MARK1: variants seen among roughly 807,000 people sequenced by gnomAD.
MARK1 encodes serine/threonine-protein kinase MARK1.
A neutral mutation model predicts 96.3 loss-of-function variants in MARK1; 40 were observed. The ratio of observed to expected loss-of-function variants is 0.42; its 90% confidence interval spans 0.32 to 0.54. The LOEUF (loss-of-function observed/expected upper bound fraction) is 0.54, where lower values mean the gene tolerates loss of function less well. Ranked by LOEUF, MARK1 falls within the 20% of genes least tolerant of loss-of-function variation. The pLI is 0.16. For missense variants in MARK1, 719 were observed against 984.6 expected, an observed-to-expected ratio of 0.73 and a Z score of 3.61; for synonymous variants, 317 against 341.2, an observed-to-expected ratio of 0.93 and a Z score of 0.78.
chr1:220,583,814 A>ATTTTTT (rs34848222), intron 3 of MARK1, among the ~76,000 whole-genome samples: 30 of 105,210 alleles, frequency 2.9e-4, no homozygotes, highest in South Asian at 3.5e-4. Context: ...TGCCTGGCTA[A>ATTTTTT]TTTTTTTTTT....
chr1:220,539,794 T>G (rs1661007096), intron 1 of MARK1, among the ~76,000 whole-genome samples: 1 of 152,060 alleles, frequency 6.6e-6, no homozygotes, highest in African/African-American at 2.4e-5. Flanking sequence ...TTCCTGAGAA[T>G]TTTTATATTG....
chr1:220,582,377 A>C (rs12072544), intron 3 of MARK1, among the ~76,000 whole-genome samples: 6,542 of 152,248 alleles, frequency 0.043, 447 homozygotes, highest in African/African-American at 0.15. Context: ...AGTGAGAAAA[A>C]GACATCCTAC....
chr1:220,653,384 C>A, intron 16 of MARK1, 32 bp downstream of exon 16: 1 of 1,588,364 alleles, frequency 6.3e-7, no homozygotes. Context: ...TGTTTTGATT[C>A]CTCTAGAAAT....
rs924612851 is a variant in MARK1 at position 220,625,992 on chromosome 1, G to A, written c.910-5043G>A. 5 of 547,502 alleles carry A rather than the reference G, an allele frequency of 9.1e-6. No homozygotes were observed. The African/African-American group carries it at 9.5e-5, about 10-fold the overall frequency. 33.9% of individuals were successfully genotyped at this position (547,502 alleles called of 1,614,324 possible). On this transcript the variant is annotated intron_variant, in intron 9 of 17. Coordinates refer to ENST00000366917, the MANE Select transcript of MARK1 (RefSeq NM_018650.5). ...GCTCCATCTCTTCAGATACATGTTC[G>A]AGCACAGCAAGCAGATGCAGATTCA... is the stretch of plus-strand genomic sequence containing the variant.
intron 6 of MARK1, among the ~76,000 whole-genome samples, chr1:220,605,813 C>T (rs1166444344): frequency 6.6e-6 from 1 of 152,068 alleles, no homozygotes; most frequent in Admixed American, 6.6e-5. Flanking sequence ...CGGTTTCCAG[C>T]TTTATCCACG....
At chr1:220,565,358 C>T (rs1175070369) in intron 1 of MARK1, among the ~76,000 whole-genome samples, 1 of 152,148 alleles carries the variant, frequency 6.6e-6, no homozygotes, top group Non-Finnish European at 1.5e-5. Context: ...TGGGAGCCAC[C>T]AGTATCCCTA....
chr1:220,558,072 G>A (rs1305847820), intron 1 of MARK1, among the ~76,000 whole-genome samples: 2 of 151,416 alleles, frequency 1.3e-5, no homozygotes, highest in Admixed American at 1.3e-4. Context: ...CAAGGTTGCA[G>A]CAGTGAGTCA....
At position 220,632,184 on chromosome 1, in the gene MARK1, C is replaced by CT. The variant is rs1293994726; in HGVS notation, c.1010-11dup. ...ATAAAACCATTTTCAGAAAATTTCT[C>CT]TTTTTTAAATTTCTAGACATTATGG... is the stretch of plus-strand genomic sequence containing the variant. On this transcript the variant is annotated splice_polypyrimidine_tract_variant and intron_variant, in intron 10 of 17. Coordinates refer to ENST00000366917, the MANE Select transcript of MARK1 (RefSeq NM_018650.5). The CT allele has an allele frequency of 8.6e-6, 11 of 1,274,508 alleles. No homozygotes were observed. The highest frequency in any genetic ancestry group is 1.1e-5 in the Non-Finnish European group (10 of 950,820). The allele number at this position is 1,274,508 out of a possible 1,614,324, so 78.9% of individuals were successfully genotyped here. A position where few individuals can be genotyped will look rare whatever the true frequency, so the allele number is the denominator to read the frequency against.
chr1:220,587,781 G>A (rs1664743769), intron 3 of MARK1, among the ~76,000 whole-genome samples: 1 of 151,918 alleles, frequency 6.6e-6, no homozygotes, highest in Non-Finnish European at 1.5e-5. Context: ...CCTGTTAGTG[G>A]ATTTTATTGT....
chr1:220,566,880 A>T (rs566900879), intron 1 of MARK1, among the ~76,000 whole-genome samples: 1 of 152,108 alleles, frequency 6.6e-6, no homozygotes, highest in Non-Finnish European at 1.5e-5. Context: ...AGCTTGAGAA[A>T]CTGGTAACAT....
intron 13 of MARK1, among the ~76,000 whole-genome samples, chr1:220,639,682 C>T (rs561875641): frequency 6.6e-6 from 1 of 152,298 alleles, no homozygotes; most frequent in East Asian, 1.9e-4. Context: ...TTGGTCTGTG[C>T]AGTCCCATCC....
rs1183562621 is a variant in MARK1, at chr1:220,664,437, TATTAA to T, written c.*2277_*2281del. ...ATATTATTTGATATGACATCCCTTA[TATTAA>T]ATTAATTATTTTGTAGAAACTGGGG... On this transcript the variant is annotated 3_prime_UTR_variant, in exon 18 of 18. Transcript: ENST00000366917. The T allele has an allele frequency of 6.6e-6, 1 of 152,130 alleles. No individual in the cohort carries two copies. Among genetic ancestry groups the T allele is most frequent in the African/African-American group, 2.4e-5 (1 of 41,358 alleles). The allele number at this position is 152,130 out of a possible 1,614,324, so 9.4% of individuals were successfully genotyped here.
chr1:220,651,946 C>G, intron 14 of MARK1, 40 bp from the exon 15 acceptor site: 3 of 1,452,806 alleles, frequency 2.1e-6, no homozygotes, highest in African/African-American at 1.4e-5. Context: ...AAATTTTCCT[C>G]TTTTTTTCCA....
At chr1:220,660,051 G>A (rs1336904147) in intron 17 of MARK1, among the ~76,000 whole-genome samples, 1 of 152,206 alleles carries the variant, frequency 6.6e-6, no homozygotes, top group Admixed American at 6.5e-5. Flanking sequence ...CTCCCAAAGT[G>A]CTGAGATTAC....
intron 1 of MARK1, among the ~76,000 whole-genome samples, chr1:220,537,444 TC>T (rs1172480195): frequency 6.6e-6 from 1 of 151,828 alleles, no homozygotes; most frequent in African/African-American, 2.4e-5. Flanking sequence ...TGCATAGTAT[TC>T]CATGGTGTAT....
At chr1:220,601,207 C>T (rs560755004) in intron 5 of MARK1, among the ~76,000 whole-genome samples, 14 of 152,092 alleles carry the variant, frequency 9.2e-5, no homozygotes, top group South Asian at 2.1e-4. Context: ...CATTAGCCAC[C>T]GCGCCTGGCC....
intron 1 of MARK1, among the ~76,000 whole-genome samples, chr1:220,548,721 A>G (rs993614024): frequency 3.3e-5 from 5 of 152,102 alleles, no homozygotes; most frequent in African/African-American, 9.7e-5. Flanking sequence ...GTGCCACTGC[A>G]CTCCAGCCTG....
intron 1 of MARK1, among the ~76,000 whole-genome samples, chr1:220,542,202 G>C (rs1025798667): frequency 2.6e-5 from 4 of 151,850 alleles, no homozygotes; most frequent in African/African-American, 7.3e-5. Context: ...GTAGATTCTT[G>C]GACTTTGCTT....
intron 1 of MARK1, among the ~76,000 whole-genome samples, chr1:220,566,431 C>G (rs1663060984): frequency 6.6e-6 from 1 of 152,174 alleles, no homozygotes; most frequent in African/African-American, 2.4e-5. Flanking sequence ...TAGTTTGGAT[C>G]TCCATCTGCA....
Sources: allele counts gnomAD v4.1 joint callset (sites outside exome capture counted in the v4.1 genomes callset), GRCh38; gene constraint gnomAD v4.1.1; transcripts MANE v1.5; gene names NCBI Gene and HGNC (gene_info 2026-07-23, HGNC 2026-07-21).